P2RX5: variants seen among roughly 807,000 people sequenced by gnomAD.
P2RX5 encodes P2X purinoceptor 5.
In P2RX5, 46 loss-of-function variants were observed where a neutral mutation model predicts 54.1. The ratio of observed to expected loss-of-function variants is 0.85; its 90% CI spans 0.67 to 1.09. P2RX5 has a LOEUF of 1.09. Among genes scored for constraint, P2RX5 ranks in the 50% least tolerant of loss-of-function variants. The pLI is 0.00. For missense variants in P2RX5, 566 were observed against 549.8 expected, an observed-to-expected ratio of 1.03 and a Z score of -0.29; for synonymous variants, 226 against 226.4, an observed-to-expected ratio of 1.00 and a Z score of 0.02.
chr17:3,690,790 C>G, intron 3 of P2RX5, 110 bp from the exon 4 acceptor site: 2 of 1,241,676 alleles, frequency 1.6e-6, no homozygotes, highest in Non-Finnish European at 2.3e-6. Context: ...CACACACACT[C>G]TGAGAACCTA....
At chr17:3,691,421 A>T (rs987142630) in intron 2 of P2RX5, among the ~76,000 whole-genome samples, 2 of 152,224 alleles carry the variant, frequency 1.3e-5, no homozygotes, top group Non-Finnish European at 2.9e-5. Flanking sequence ...CAGCAGACTC[A>T]GATAGAACAG....
intron 6 of P2RX5, 61 bp downstream of exon 6, chr17:3,690,009 C>T (rs2050565138): frequency 6.8e-7 from 1 of 1,463,224 alleles, no homozygotes; most frequent in Non-Finnish European, 9.6e-7. Context: ...CACGGAGGGC[C>T]AGCCAAGGCC....
At chr17:3,677,128 T>G in intron 11 of P2RX5, 3 of 985,116 alleles carry the variant, frequency 3.0e-6, no homozygotes, top group Non-Finnish European at 3.6e-6. Context: ...GAGGGTGCGG[T>G]AGGTGGGTGT....
chr17:3,710,341 C>T, the P2RX5 span, among the ~76,000 whole-genome samples: 4 of 151,558 alleles, frequency 2.6e-5, no homozygotes, highest in Admixed American at 1.3e-4. Context: ...GCATGAGAAT[C>T]GATTGAACCT....
At chr17:3,691,323 CCA>C (rs1282288353) in intron 2 of P2RX5, among the ~76,000 whole-genome samples, 1 of 152,216 alleles carries the variant, frequency 6.6e-6, no homozygotes, top group Non-Finnish European at 1.5e-5. Context: ...AGAGCTATTC[CCA>C]GAGGCAGTGA....
chr17:3,707,659 C>T, the P2RX5 span, among the ~76,000 whole-genome samples: 31 of 152,204 alleles, frequency 2.0e-4, no homozygotes, highest in South Asian at 2.1e-3. Context: ...ACCCCCCTCT[C>T]GGCCCTGGAC....
In P2RX5 at chr17:3,681,982, C is replaced by G. The variant is rs371321187; in HGVS notation, c.982-4G>C. The G allele has an allele frequency of 1.2e-6, 2 of 1,602,840 alleles. No homozygotes were observed. The highest frequency in any genetic ancestry group is 2.7e-5 in the African/African-American group (2 of 74,726). ...CCAGGTCGCAGAAGAAAGCACCCTG[C>G]AAAACAGGGGTTCCTGATTCAGAAT... On this transcript the variant is annotated splice_region_variant and splice_polypyrimidine_tract_variant and intron_variant, in intron 9 of 11. Transcript: ENST00000225328.
the P2RX5 span, among the ~76,000 whole-genome samples, chr17:3,702,578 C>T: frequency 2.0e-5 from 3 of 152,214 alleles, no homozygotes; most frequent in Non-Finnish European, 4.4e-5. Flanking sequence ...AGCTGTAACA[C>T]TCACTGCGAA....
chr17:3,704,680 G>C, the P2RX5 span, among the ~76,000 whole-genome samples: 1 of 152,146 alleles, frequency 6.6e-6, no homozygotes, highest in Admixed American at 6.5e-5. Flanking sequence ...AAAGAGTAAA[G>C]AGCCAAATGC....
the P2RX5 span, among the ~76,000 whole-genome samples, chr17:3,719,234 T>TAAAAAAAAAAAAAA: frequency 8.6e-5 from 3 of 34,800 alleles, no homozygotes; most frequent in African/African-American, 3.6e-4. Context: ...AGATTCTTCC[T>TAAAAAAAAAAAAAA]CAAAAAAAAA....
At chr17:3,690,802 T>G in intron 3 of P2RX5, 122 bp from the exon 4 acceptor site, 1 of 1,174,142 alleles carries the variant, frequency 8.5e-7, no homozygotes, top group Non-Finnish European at 1.2e-6. Context: ...GAGAACCTAC[T>G]TCTCCCCCAT....
the P2RX5 span, among the ~76,000 whole-genome samples, chr17:3,709,939 CA>C: frequency 6.6e-6 from 1 of 151,598 alleles, no homozygotes; most frequent in Non-Finnish European, 1.5e-5. Context: ...CAAAACAAAA[CA>C]AACAAAAATT....
At chr17:3,678,810 GA>G (rs2142995635) in intron 11 of P2RX5, among the ~76,000 whole-genome samples, 1 of 152,240 alleles carries the variant, frequency 6.6e-6, no homozygotes, top group South Asian at 2.1e-4. Context: ...ACTGGGAGGG[GA>G]AAAAAGGGAA....
chr17:3,707,083 T>G, the P2RX5 span, among the ~76,000 whole-genome samples: 1 of 152,172 alleles, frequency 6.6e-6, no homozygotes. Context: ...TTTAAAAACA[T>G]TCTGATTGTT....
chr17:3,691,609 C>A, intron 2 of P2RX5, 35 bp downstream of exon 2: 3 of 1,613,512 alleles, frequency 1.9e-6, no homozygotes, highest in Non-Finnish European at 1.7e-6. Flanking sequence ...GCAGTCCCTG[C>A]CAGCCTTGGC....
intron 1 of P2RX5, among the ~76,000 whole-genome samples, chr17:3,692,608 A>G (rs949747211): frequency 1.3e-5 from 2 of 152,118 alleles, no homozygotes; most frequent in Admixed American, 6.5e-5. Flanking sequence ...TTGGGAGACC[A>G]AGGCAGGAGG....
chr17:3,700,441 G>C (rs938898902), upstream of P2RX5, among the ~76,000 whole-genome samples: 26 of 152,170 alleles, frequency 1.7e-4, no homozygotes, highest in African/African-American at 6.3e-4. Flanking sequence ...GCTGAGGCAG[G>C]AGAATCGCTT....
intron 2 of P2RX5, 147 bp downstream of exon 2, chr17:3,691,497 G>T (rs900669842): frequency 4.3e-6 from 4 of 932,984 alleles, no homozygotes; most frequent in South Asian, 1.4e-5. Context: ...TCTGGACAGG[G>T]TTGCTCTCTG....
In P2RX5 at chr17:3,693,331, C is replaced by T. The variant is rs182371256; in HGVS notation, c.138-1537G>A. ...GAGGTTGTGAAGAAATTAGAACCCC[C>T]GTATATCACTGATAGGGATGTAAAA... On this transcript the variant is annotated intron_variant, in intron 1 of 11. Coordinates refer to ENST00000225328, the MANE Select transcript of P2RX5 (RefSeq NM_002561.4). 3.5e-3 allele frequency among the ~76,000 whole-genome samples: 529 copies of T among 152,188 alleles called. 6 individuals are homozygous for T. Among genetic ancestry groups the T allele is most frequent in the East Asian group, 8.7e-3 (45 of 5,190 alleles).
Sources: gnomAD v4.1 joint callset for allele counts (sites outside exome capture counted in the v4.1 genomes callset) on GRCh38, gnomAD v4.1.1 for gene constraint, MANE v1.5 for transcripts, NCBI Gene and HGNC (gene_info 2026-07-23, HGNC 2026-07-21) for gene names.